CNGB1: variants seen among roughly 807,000 people sequenced by gnomAD.
CNGB1 encodes the protein cyclic nucleotide-gated channel beta-1.
Under a neutral mutation model 151.7 loss-of-function variants are expected in CNGB1, and 126 were observed. The ratio of observed to expected loss-of-function variants is 0.83; its 90% CI spans 0.72 to 0.96. The LOEUF (loss-of-function observed/expected upper bound fraction) is 0.96, where lower values mean the gene tolerates loss of function less well. Among genes scored for constraint, CNGB1 ranks in the 40% least tolerant of loss-of-function variants. CNGB1 has a pLI of 0.00. For missense variants in CNGB1, 1,698 were observed against 1,627.0 expected (o/e 1.04, Z -0.75); for synonymous variants, 623 against 635.1 (o/e 0.98, Z 0.29).
In CNGB1 at chr16:57,920,590, C is replaced by A. The variant is rs747383874; in HGVS notation, c.1644-46G>T. 23 of 1,602,574 alleles carry A rather than the reference C, an allele frequency of 1.4e-5. No homozygotes were observed. In the Admixed American group the frequency reaches 2.3e-4, roughly 16 times the overall value. The stretch of plus-strand genomic sequence containing the variant: ...GCTGAGCAGGCTGAGCCGGGAGGGA[C>A]CTGTGCACCCCCAGGCCAGAGCTGT... On this transcript the variant is annotated intron_variant, in intron 18 of 32. Transcript: ENST00000251102.
At chr16:57,952,535 C>T (rs1961979411) in intron 12 of CNGB1, among the ~76,000 whole-genome samples, 2 of 114,764 alleles carry the variant, frequency 1.7e-5, no homozygotes, top group African/African-American at 6.6e-5. Context: ...CAGAGTCTCA[C>T]TGTGACACCC....
chr16:57,965,875 AC>A (rs35787852), intron 2 of CNGB1, among the ~76,000 whole-genome samples: 1 of 152,232 alleles, frequency 6.6e-6, no homozygotes, highest in Non-Finnish European at 1.5e-5. Flanking sequence ...TGTCATGTAT[AC>A]CCATTGTGCA....
At chr16:57,966,814 C>T (rs1962411133) in intron 2 of CNGB1, among the ~76,000 whole-genome samples, 1 of 152,178 alleles carries the variant, frequency 6.6e-6, no homozygotes, top group Admixed American at 6.6e-5. Flanking sequence ...TATGCTCATT[C>T]ATTCATGCAT....
At chr16:57,927,378 C>T (rs1226253870) in intron 17 of CNGB1, among the ~76,000 whole-genome samples, 7 of 152,222 alleles carry the variant, frequency 4.6e-5, no homozygotes, top group African/African-American at 1.7e-4. Context: ...CGCCCTCGGC[C>T]TCTACAGAGA....
chr16:57,963,076 A>G lies in CNGB1; in HGVS notation c.291-12T>C. 6.2e-7 allele frequency: 1 copy of G among 1,601,048 alleles called. No homozygotes were observed. The highest frequency in any genetic ancestry group is 8.5e-7 in the Non-Finnish European group (1 of 1,169,862). The stretch of plus-strand genomic sequence containing the variant: ...CCCTGCGGCTGGGACTGCGATGGAC[A>G]GAGACACCAGCCCGCCCTCAACTTC... On this transcript the variant is annotated splice_polypyrimidine_tract_variant and intron_variant, in intron 4 of 32. Transcript: ENST00000251102.
At chr16:57,938,252 C>T in intron 16 of CNGB1, among the ~76,000 whole-genome samples, 1 of 152,188 alleles carries the variant, frequency 6.6e-6, no homozygotes, top group Non-Finnish European at 1.5e-5. Flanking sequence ...CTTTTTCATC[C>T]ATGTGGGGAC....
chr16:57,931,212 G>A lies in CNGB1; in HGVS notation c.1535+504C>T, dbSNP rs996231523. ...CTTGCTCTGTTGCCCAGGCTGCAGT[G>A]CAATGGCACAATCTCAGTTCACTGC... On this transcript the variant is annotated intron_variant, in intron 17 of 32. Transcript: ENST00000251102. 2.0e-5 allele frequency among the ~76,000 whole-genome samples: 3 copies of A among 151,324 alleles called. No individual in the cohort carries two copies. The East Asian group carries it at 5.8e-4, about 29-fold the overall frequency.
At chr16:57,920,975 GT>G (rs1325328040) in intron 18 of CNGB1, among the ~76,000 whole-genome samples, 2 of 152,114 alleles carry the variant, frequency 1.3e-5, no homozygotes, top group East Asian at 1.9e-4. Flanking sequence ...GATGTAACTG[GT>G]GGAAAAAGCA....
chr16:57,908,927 C>T (rs1293967349), intron 25 of CNGB1, among the ~76,000 whole-genome samples: 3 of 152,256 alleles, frequency 2.0e-5, no homozygotes, highest in African/African-American at 7.2e-5. Context: ...CCTCTGCTCA[C>T]TCTCCTGCTT....
chr16:57,926,028 G>T (rs544767115), intron 17 of CNGB1, among the ~76,000 whole-genome samples: 2 of 152,284 alleles, frequency 1.3e-5, no homozygotes, highest in East Asian at 3.9e-4. Context: ...CGTGAGGTTT[G>T]ATCAGAAATG....
At chr16:57,912,629 TTG>T (rs1960751575) in intron 24 of CNGB1, among the ~76,000 whole-genome samples, 2 of 151,460 alleles carry the variant, frequency 1.3e-5, no homozygotes, top group African/African-American at 4.9e-5. Flanking sequence ...GCATTGTGTG[TTG>T]TGTGTGCACT....
chr16:57,921,217 CTTTTT>C (rs1185678390), intron 18 of CNGB1, among the ~76,000 whole-genome samples: 3 of 90,142 alleles, frequency 3.3e-5, no homozygotes, highest in African/African-American at 1.0e-4. Flanking sequence ...AAATGAGGCT[CTTTTT>C]TTTTTTTTTT....
chr16:57,958,499 A>G lies in CNGB1; in HGVS notation c.762-14T>C. 6.2e-7 allele frequency: 1 copy of G among 1,611,958 alleles called. No individual in the cohort carries two copies. Among genetic ancestry groups the G allele is most frequent in the Non-Finnish European group, 8.5e-7 (1 of 1,178,190 alleles). On this transcript the variant is annotated splice_polypyrimidine_tract_variant and intron_variant, in intron 10 of 32. Transcript: ENST00000251102. ...CATGCCACCAGCCTGCAGGTGGGAG[A>G]GAGTGTGCGGTGTCCAGGTGGGAAG...
intron 18 of CNGB1, among the ~76,000 whole-genome samples, chr16:57,922,445 T>C (rs1306089385): frequency 6.6e-6 from 1 of 151,028 alleles, no homozygotes; most frequent in Non-Finnish European, 1.5e-5. Flanking sequence ...TTTTTTTTTT[T>C]GAGATGAAGT....
chr16:57,933,455 G>A (rs1961412275), intron 16 of CNGB1, among the ~76,000 whole-genome samples: 1 of 152,168 alleles, frequency 6.6e-6, no homozygotes, highest in Non-Finnish European at 1.5e-5. Flanking sequence ...TCTCCAGGGA[G>A]CCTGGACGTG....
intron 12 of CNGB1, among the ~76,000 whole-genome samples, chr16:57,952,493 CTTTTTTTTTTT>C (rs10598722): frequency 3.2e-5 from 2 of 62,100 alleles, no homozygotes; most frequent in Non-Finnish European, 5.6e-5. Flanking sequence ...CAAGCATTTC[CTTTTTTTTTTT>C]TTTTTTTTTT....
intron 18 of CNGB1, among the ~76,000 whole-genome samples, chr16:57,921,196 C>T (rs16959513): frequency 2.1e-5 from 3 of 144,910 alleles, no homozygotes; most frequent in Non-Finnish European, 4.5e-5. Context: ...CTGAGGAAGA[C>T]GGGCTGGAGA....
rs975293489 is a variant in CNGB1, at chr16:57,971,045, C to G, written c.-9+15G>C. On this transcript the variant is annotated intron_variant, in intron 1 of 32. Transcript: ENST00000251102. ...CCTCGGGGTCCCACCGAGCCTCCAC[C>G]TCACCCTGAGTTACCTGCTTAGATG... The G allele has an allele frequency of 6.6e-6, 1 of 152,250 alleles. No homozygotes were observed. Among genetic ancestry groups the G allele is most frequent in the African/African-American group, 2.4e-5 (1 of 41,472 alleles). The allele number at this position is 152,250 out of a possible 1,614,324, so 9.4% of individuals were successfully genotyped here.
intron 13 of CNGB1, 106 bp downstream of exon 13, chr16:57,950,275 G>C: frequency 7.3e-7 from 1 of 1,378,522 alleles, no homozygotes; most frequent in South Asian, 1.2e-5. Flanking sequence ...GGGGGAAGCA[G>C]GCTTGGTTCC....
Sources: gnomAD v4.1 joint callset for allele counts (sites outside exome capture counted in the v4.1 genomes callset) on GRCh38, gnomAD v4.1.1 for gene constraint, MANE v1.5 for transcripts, NCBI Gene and HGNC (gene_info 2026-07-23, HGNC 2026-07-21) for gene names.